The following ROBO2 variants were observed in gnomAD, a reference collection of about 807,000 sequenced individuals.
ROBO2 encodes roundabout homolog 2.
A neutral mutation model predicts 160.8 loss-of-function variants in ROBO2; 53 were observed. The ratio of observed to expected loss-of-function variants is 0.33; its 90% CI spans 0.26 to 0.41. The LOEUF is 0.41. Ranked by LOEUF, ROBO2 falls within the 10% of genes least tolerant of loss-of-function variation. The pLI is 1.00. For synonymous variants in ROBO2, 664 were observed against 611.7 expected, an observed-to-expected ratio of 1.09 and a Z score of -1.26; for missense variants, 1,577 against 1,722.4, an observed-to-expected ratio of 0.92 and a Z score of 1.49.
chr3:77,147,874 C>G (rs1319610615), intron 2 of ROBO2, among the ~76,000 whole-genome samples: 2 of 152,104 alleles, frequency 1.3e-5, no homozygotes, highest in Admixed American at 6.5e-5. Flanking sequence ...CACTCCCTCC[C>G]ACACACACAT....
At chr3:77,017,015 T>C (rs766662403) in intron 2 of ROBO2, among the ~76,000 whole-genome samples, 3 of 152,218 alleles carry the variant, frequency 2.0e-5, no homozygotes, top group Non-Finnish European at 4.4e-5. Flanking sequence ...CACTTCTAAA[T>C]GCTTCAACAA....
chr3:76,556,146 A>G (rs1447522717), intron 2 of ROBO2, among the ~76,000 whole-genome samples: 1 of 152,132 alleles, frequency 6.6e-6, no homozygotes, highest in East Asian at 1.9e-4. Flanking sequence ...GAAAGAAAGA[A>G]AGAAAAAAGA....
chr3:77,320,570 A>G (rs1417937971), intron 2 of ROBO2, among the ~76,000 whole-genome samples: 1 of 152,000 alleles, frequency 6.6e-6, no homozygotes, highest in Non-Finnish European at 1.5e-5. Flanking sequence ...AAAAAAAAAG[A>G]AGGGCTCTTA....
chr3:76,359,222 G>T (rs910095147), intron 2 of ROBO2, among the ~76,000 whole-genome samples: 3 of 151,692 alleles, frequency 2.0e-5, no homozygotes, highest in Non-Finnish European at 2.9e-5. Context: ...GAATAGTGCC[G>T]CAATAAACAT....
intron 2 of ROBO2, among the ~76,000 whole-genome samples, chr3:76,979,613 T>C (rs765638329): frequency 3.2e-4 from 48 of 151,734 alleles, no homozygotes; most frequent in Middle Eastern, 3.4e-3. Flanking sequence ...TGTGTGTGTG[T>C]GCGCAGGTAT....
At chr3:77,642,972 T>C (rs750059192) in intron 24 of ROBO2, 29 bp downstream of exon 26, 1 of 453,410 alleles carries the variant, frequency 2.2e-6, no homozygotes, top group Non-Finnish European at 4.4e-6. Flanking sequence ...CAAGAAAGTG[T>C]GGACTGTTAC....
At chr3:77,618,777 TAA>T (rs2094837265) in intron 22 of ROBO2, among the ~76,000 whole-genome samples, 1 of 152,188 alleles carries the variant, frequency 6.6e-6, no homozygotes, top group Admixed American at 6.5e-5. Context: ...CCTCTTTTCT[TAA>T]GATATTCTTG....
chr3:77,096,337 A>G (rs2071053500), intron 1 of ROBO2, among the ~76,000 whole-genome samples: 1 of 152,328 alleles, frequency 6.6e-6, no homozygotes, highest in South Asian at 2.1e-4. Context: ...ATTTTCATGA[A>G]TAATGGTAAT....
intron 4 of ROBO2, among the ~76,000 whole-genome samples, chr3:77,488,110 A>ATATAAAGT (rs1208404116): frequency 1.3e-5 from 2 of 152,174 alleles, no homozygotes; most frequent in African/African-American, 4.8e-5. Flanking sequence ...TTATAGCTGT[A>ATATAAAGT]TATAAAGTTG....
At chr3:77,394,761 T>A (rs1360236200) in intron 2 of ROBO2, among the ~76,000 whole-genome samples, 4 of 113,168 alleles carry the variant, frequency 3.5e-5, no homozygotes, top group Non-Finnish European at 6.1e-5. Context: ...TCATCATAGC[T>A]TTTTTAGCCT....
Position 76,341,403 on chromosome 3 carries a change from T to C in ROBO2, c.109+403801T>C, listed in dbSNP as rs2074214832. ...ATGGCCCCAGAACTAAGAATGCTTT[T>C]CGCTTTTTTAAAGCGTAAAAAAAAA... On this transcript the variant is annotated intron_variant, in intron 2 of 26. Coordinates refer to the ROBO2 transcript ENST00000487694. Among the ~76,000 whole-genome samples, 5 of 145,166 alleles carry C rather than the reference T, an allele frequency of 3.4e-5. No individual in the cohort carries two copies. The South Asian group carries it at 1.1e-3, about 31-fold the overall frequency.
intron 2 of ROBO2, among the ~76,000 whole-genome samples, chr3:76,729,779 A>G (rs947822188): frequency 6.6e-6 from 1 of 152,044 alleles, no homozygotes; most frequent in Non-Finnish European, 1.5e-5. Flanking sequence ...CTGGGATTAC[A>G]GCCACGTGCC....
chr3:76,583,919 T>C (rs1176320860), intron 2 of ROBO2, among the ~76,000 whole-genome samples: 1 of 152,196 alleles, frequency 6.6e-6, no homozygotes, highest in African/African-American at 2.4e-5. Flanking sequence ...TGAATTCAGC[T>C]AAAATCTTAG....
chr3:76,492,109 G>A (rs13434350), intron 2 of ROBO2, among the ~76,000 whole-genome samples: 6,234 of 151,708 alleles, frequency 0.041, 444 homozygotes, highest in African/African-American at 0.14. Context: ...AGAGCAAGAC[G>A]CCATCTCAAA....
intron 2 of ROBO2, among the ~76,000 whole-genome samples, chr3:76,682,422 C>CATTTTTG (rs58209079): frequency 6.6e-6 from 1 of 151,308 alleles, no homozygotes; most frequent in African/African-American, 2.4e-5. Context: ...TTAAAAATTT[C>CATTTTTG]TTTTGAGACG....
intron 2 of ROBO2, among the ~76,000 whole-genome samples, chr3:75,996,891 A>G (rs2065745392): frequency 1.3e-5 from 2 of 152,124 alleles, no homozygotes; most frequent in Middle Eastern, 3.2e-3. Context: ...ACTACTCACT[A>G]TGCTGCATGA....
chr3:76,163,591 G>A (rs1186233644), intron 2 of ROBO2, among the ~76,000 whole-genome samples: 1 of 150,446 alleles, frequency 6.6e-6, no homozygotes, highest in Non-Finnish European at 1.5e-5. Flanking sequence ...CAGAAATATT[G>A]CAGGTTTGGT....
intron 2 of ROBO2, among the ~76,000 whole-genome samples, chr3:76,390,316 A>G (rs2077086834): frequency 6.6e-6 from 1 of 152,108 alleles, no homozygotes; most frequent in South Asian, 2.1e-4. Context: ...ATAATCTTAG[A>G]TTATATTCAA....
chr3:76,819,687 G>A (rs530610703), intron 2 of ROBO2, among the ~76,000 whole-genome samples: 8 of 152,126 alleles, frequency 5.3e-5, no homozygotes, highest in African/African-American at 9.6e-5. Context: ...GTCAACCTCC[G>A]TATTAGAGAA....
Sources: allele counts gnomAD v4.1 joint callset (sites outside exome capture counted in the v4.1 genomes callset), GRCh38; gene constraint gnomAD v4.1.1; transcripts MANE v1.5; gene names NCBI Gene and HGNC (gene_info 2026-07-23, HGNC 2026-07-21).